The following ARHGAP35 variants were observed in gnomAD, a reference collection of about 807,000 sequenced individuals.
The protein encoded by ARHGAP35 is Rho GTPase activating protein 35, also known as rho GTPase-activating protein 35.
ARHGAP35 carries 15 observed loss-of-function variants against 111.1 expected under a neutral mutation model. The ratio of observed to expected loss-of-function variants is 0.13; its 90% CI spans 0.09 to 0.21. The LOEUF is 0.21. Among genes scored for constraint, ARHGAP35 ranks in the 10% least tolerant of loss-of-function variants. The pLI, the probability that ARHGAP35 is intolerant of heterozygous loss-of-function variation, is 1.00. For missense variants in ARHGAP35, 1,262 were observed against 1,873.0 expected (o/e 0.67, Z 6.02); for synonymous variants, 643 against 710.3 (o/e 0.91, Z 1.51).
intron 1 of ARHGAP35, among the ~76,000 whole-genome samples, chr19:46,881,929 G>A (rs2055964276): frequency 6.6e-6 from 1 of 151,762 alleles, no homozygotes; most frequent in African/African-American, 2.4e-5. Context: ...GCTTCATCTT[G>A]CACATTTATG....
chr19:46,938,346 T>A (rs1345919157), intron 3 of ARHGAP35, among the ~76,000 whole-genome samples: 1 of 151,654 alleles, frequency 6.6e-6, no homozygotes, highest in Non-Finnish European at 1.5e-5. Flanking sequence ...TTTATTATTT[T>A]ATTTTTATTT....
chr19:46,999,775 CA>C lies in ARHGAP35; in HGVS notation c.4142+371del. 4.0e-6 allele frequency: 1 copy of C among 252,734 alleles called. No homozygotes were observed. Among genetic ancestry groups the C allele is most frequent in the Non-Finnish European group, 7.6e-6 (1 of 132,400 alleles). 15.7% of individuals were successfully genotyped at this position (252,734 alleles called of 1,614,324 possible). ...ATGCTCCAGAAATCTTCTCCTGAATCAAAAACACCTCAGAGTCCCTGAAAGT... is the reference window on the plus strand; with the variant it reads ...ATGCTCCAGAAATCTTCTCCTGAATCAAAACACCTCAGAGTCCCTGAAAGT... On this transcript the variant is annotated intron_variant, in intron 6 of 6. Transcript: ENST00000672722. The surrounding 1 kb of genome is among the most constrained non-coding windows in gnomAD (Gnocchi z 5.4).
chr19:46,995,881 G>A (rs950571888), intron 5 of ARHGAP35, among the ~76,000 whole-genome samples: 4 of 152,218 alleles, frequency 2.6e-5, no homozygotes, highest in African/African-American at 7.2e-5. Context: ...TCACAAGGTC[G>A]ACCTTGCTTT....
intron 2 of ARHGAP35, among the ~76,000 whole-genome samples, chr19:46,934,828 C>A (rs1209550234): frequency 6.6e-6 from 1 of 151,852 alleles, no homozygotes; most frequent in East Asian, 1.9e-4. Flanking sequence ...CGCTACCACG[C>A]CCAGCTAATT....
At chr19:46,894,445 GTTT>G (rs35723876) in intron 1 of ARHGAP35, among the ~76,000 whole-genome samples, 12 of 108,096 alleles carry the variant, frequency 1.1e-4, no homozygotes, top group Non-Finnish European at 1.7e-4. Context: ...CTGTTTTTTG[GTTT>G]TTTTTTTTTT....
At chr19:46,977,595 G>C (rs2056586347) in intron 3 of ARHGAP35, among the ~76,000 whole-genome samples, 1 of 152,176 alleles carries the variant, frequency 6.6e-6, no homozygotes, top group African/African-American at 2.4e-5. Flanking sequence ...AGAGGACTCT[G>C]CCTGCTCCTG....
Position 47,002,668 on chromosome 19 carries a change from G to T in ARHGAP35, c.*1980G>T, listed in dbSNP as rs565969844. The T allele has an allele frequency of 6.6e-6, 1 of 152,266 alleles. No homozygotes were observed. Among genetic ancestry groups the T allele is most frequent in the Admixed American group, 6.6e-5 (1 of 15,264 alleles). The allele number at this position is 152,266 out of a possible 1,614,324, so 9.4% of individuals were successfully genotyped here. On this transcript the variant is annotated 3_prime_UTR_variant, in exon 7 of 7. Coordinates refer to ENST00000672722, the MANE Select transcript of ARHGAP35 (RefSeq NM_004491.5). ...TTTACTGACCCCGCCCCCTTTTCGA[G>T]GTTATGCTCACCTGGTCAGCTCCTC...
At chr19:46,942,397 G>C (rs766439156) in intron 3 of ARHGAP35, among the ~76,000 whole-genome samples, 26 of 152,078 alleles carry the variant, frequency 1.7e-4, no homozygotes, top group Non-Finnish European at 2.9e-4. Flanking sequence ...ACTTTGGGAG[G>C]CCGAGGTGGG....
At chr19:46,887,032 A>G (rs967500569) in intron 1 of ARHGAP35, among the ~76,000 whole-genome samples, 2 of 152,184 alleles carry the variant, frequency 1.3e-5, no homozygotes, top group Non-Finnish European at 2.9e-5. Flanking sequence ...ATCTTAGGCC[A>G]GGTTCATTTT....
intron 3 of ARHGAP35, among the ~76,000 whole-genome samples, chr19:46,983,040 C>T (rs918884726): frequency 2.6e-5 from 2 of 78,168 alleles, no homozygotes; most frequent in African/African-American, 1.1e-4. Context: ...AGTGACAAAG[C>T]AAGACCTTGT....
intron 3 of ARHGAP35, among the ~76,000 whole-genome samples, chr19:46,941,438 C>T (rs771685443): frequency 2.0e-5 from 3 of 151,916 alleles, no homozygotes; most frequent in Non-Finnish European, 2.9e-5. Context: ...CATGGTGGCA[C>T]GCATCTGTGG....
rs1463342148 is a variant in ARHGAP35, at chr19:47,002,533, GC to G, written c.*1848del. 6.6e-6 allele frequency: 1 copy of G among 152,280 alleles called. No homozygotes were observed. The highest frequency in any genetic ancestry group is 1.5e-5 in the Non-Finnish European group (1 of 68,070). The allele number at this position is 152,280 out of a possible 1,614,324, so 9.4% of individuals were successfully genotyped here. On this transcript the variant is annotated 3_prime_UTR_variant, in exon 7 of 7. Transcript: ENST00000672722. Reference sequence around the variant, plus strand: ...GGTGGAGCTGTGCCTGGCCCTGTAGGCCCAGGGTTGGCTGGAAGGTGACATC... The same window carrying G: ...GGTGGAGCTGTGCCTGGCCCTGTAGGCCAGGGTTGGCTGGAAGGTGACATC...
In ARHGAP35 at chr19:46,919,259, T is replaced by C. The variant is rs1053684230; in HGVS notation, c.584T>C (p.Ile195Thr). Residue 195 changes from isoleucine to threonine, a missense_variant, in exon 2 of 7, where the codon ATA (isoleucine) becomes ACA (threonine). Around this residue, in one of 8 missense-constraint regions of ARHGAP35, gnomAD observed 125 missense variants for 301.7 expected, o/e 0.41. Coordinates refer to ENST00000672722, the MANE Select transcript of ARHGAP35 (RefSeq NM_004491.5). The surrounding 1 kb of genome is among the most constrained non-coding windows in gnomAD (Gnocchi z 6.2). ...CAGCTTGCAAAAACAAAAAAGCCCA[T>C]AGTGGTGGTCCTGACTAAGTGTGAC... ...YNQLAKTKKP[I>T]VVVLTKCDEG... The C allele has an allele frequency of 6.8e-6, 11 of 1,613,894 alleles. No homozygotes were observed. The highest frequency in any genetic ancestry group is 3.3e-4 in the Middle Eastern group (2 of 6,062).
chr19:46,962,655 G>A (rs1344157070), intron 3 of ARHGAP35, among the ~76,000 whole-genome samples: 3 of 152,178 alleles, frequency 2.0e-5, no homozygotes, highest in Non-Finnish European at 4.4e-5. Flanking sequence ...CGCCCAGGCT[G>A]GAGTGCAGTG....
At chr19:46,954,372 A>G (rs975416193) in intron 3 of ARHGAP35, among the ~76,000 whole-genome samples, 5 of 152,210 alleles carry the variant, frequency 3.3e-5, no homozygotes, top group Non-Finnish European at 7.3e-5. Flanking sequence ...GTCCTCCATC[A>G]GGGATCTTTG....
intron 1 of ARHGAP35, among the ~76,000 whole-genome samples, chr19:46,878,839 T>TGGA (rs1380683738): frequency 6.6e-6 from 1 of 152,192 alleles, no homozygotes. Flanking sequence ...TTTTTGCTAG[T>TGGA]GGAGGGTCCT....
At position 46,992,931 on chromosome 19, in the gene ARHGAP35, C is replaced by T. The variant is rs886289471; in HGVS notation, c.4036+3256C>T. On this transcript the variant is annotated intron_variant, in intron 5 of 6. Transcript: ENST00000672722. This position sits in a 1 kb window ranked among gnomAD's most constrained non-coding sequence, Gnocchi z 4.4. ...CTCTTGTTCACCAGCTGCCTTGGGA[C>T]GTTACTGGTTCTGGGATCCTGCCTT... Among the ~76,000 whole-genome samples the T allele has an allele frequency of 8.5e-5, 13 of 152,192 alleles. No homozygotes were observed. The highest frequency in any genetic ancestry group is 2.0e-4 in the Admixed American group (3 of 15,280).
chr19:46,896,376 CCT>C (rs2056056227), intron 1 of ARHGAP35, among the ~76,000 whole-genome samples: 2 of 152,176 alleles, frequency 1.3e-5, no homozygotes, highest in Admixed American at 1.3e-4. Context: ...ACAGCAAGTC[CCT>C]GTCTCAAATA....
Position 46,937,528 on chromosome 19 carries a change from A to G in ARHGAP35, c.3826+120A>G. ...TGTTGATTGTGAGATGCTCTTGGAG[A>G]AGGAGCTGAGCAGTCCCAACAGTTG... On this transcript the variant is annotated intron_variant, in intron 3 of 6. Coordinates refer to ENST00000672722, the MANE Select transcript of ARHGAP35 (RefSeq NM_004491.5). 3 of 1,183,784 alleles carry G rather than the reference A, an allele frequency of 2.5e-6. No homozygotes were observed. In the South Asian group the frequency reaches 4.2e-5, roughly 17 times the overall value. 73.3% of individuals were successfully genotyped at this position (1,183,784 alleles called of 1,614,324 possible).
Sources: allele counts gnomAD v4.1 joint callset (sites outside exome capture counted in the v4.1 genomes callset), GRCh38; gene constraint gnomAD v4.1.1; regional missense constraint gnomAD v4.1.1; non-coding constraint Gnocchi (gnomAD v3.1); transcripts MANE v1.5; gene names NCBI Gene and HGNC (gene_info 2026-07-23, HGNC 2026-07-21).